Variants in RYR2 observed in about 807,000 individuals in gnomAD.
RYR2 encodes the protein cardiac muscle ryanodine receptor-calcium release channel.
In RYR2, 227 loss-of-function variants were observed where a neutral mutation model predicts 601.1. The observed-to-expected ratio is 0.38, with a 90% CI of 0.34 to 0.42. The LOEUF (loss-of-function observed/expected upper bound fraction) is 0.42, where lower values mean the gene tolerates loss of function less well. RYR2 is among the 10% of genes least tolerant of loss of function. RYR2 has a pLI of 1.00. For missense variants in RYR2, 4,646 were observed against 6,156.5 expected (o/e 0.75, Z 8.21); for synonymous variants, 2,223 against 2,175.1 (o/e 1.02, Z -0.61).
intron 11 of RYR2, among the ~76,000 whole-genome samples, chr1:237,422,698 C>T (rs1426643656): frequency 1.3e-5 from 2 of 152,120 alleles, no homozygotes; most frequent in Admixed American, 1.3e-4. Flanking sequence ...CAGTTTTTAA[C>T]TAGTAAATGC....
intron 1 of RYR2, among the ~76,000 whole-genome samples, chr1:237,068,591 A>G (rs72764026): frequency 3.7e-4 from 57 of 152,262 alleles, no homozygotes; most frequent in Non-Finnish European, 6.6e-4. Flanking sequence ...CCCATGTGTT[A>G]ATTTAGTCTC....
At chr1:237,396,189 C>A (rs765209906) in intron 10 of RYR2, among the ~76,000 whole-genome samples, 2 of 151,980 alleles carry the variant, frequency 1.3e-5, no homozygotes, top group African/African-American at 4.8e-5. Flanking sequence ...CAATTAGGGG[C>A]GGGGAAAGAA....
At chr1:237,440,388 A>T (rs1285128527) in intron 12 of RYR2, among the ~76,000 whole-genome samples, 1 of 152,234 alleles carries the variant, frequency 6.6e-6, no homozygotes. Context: ...AGAAAAAAGA[A>T]TAAGAGACTA....
intron 1 of RYR2, among the ~76,000 whole-genome samples, chr1:237,225,115 G>C (rs1684220641): frequency 6.6e-6 from 1 of 152,188 alleles, no homozygotes. Flanking sequence ...AGTGGCATCA[G>C]TGTTTTGAAG....
At chr1:237,405,833 G>A (rs115763213) in intron 10 of RYR2, among the ~76,000 whole-genome samples, 351 of 151,194 alleles carry the variant, frequency 2.3e-3, no homozygotes, top group African/African-American at 8.0e-3. Flanking sequence ...AATATCCAAA[G>A]TCTTTATCTT....
intron 1 of RYR2, among the ~76,000 whole-genome samples, chr1:237,261,130 C>G (rs1028269592): frequency 6.6e-6 from 1 of 152,156 alleles, no homozygotes; most frequent in Non-Finnish European, 1.5e-5. Flanking sequence ...CACTTATCAC[C>G]ATGCCTGCAA....
At chr1:237,423,685 G>A (rs1411981953) in intron 12 of RYR2, among the ~76,000 whole-genome samples, 1 of 152,144 alleles carries the variant, frequency 6.6e-6, no homozygotes, top group Non-Finnish European at 1.5e-5. Flanking sequence ...CAGATATTGG[G>A]ATGTTTTTGG....
At chr1:237,726,401 C>A (rs991911605) in intron 75 of RYR2, 93 bp downstream of exon 75, 1 of 800,252 alleles carries the variant, frequency 1.2e-6, no homozygotes, top group Non-Finnish European at 2.1e-6. Flanking sequence ...TCTCTTTCTT[C>A]TCTTAGAGTT....
intron 1 of RYR2, among the ~76,000 whole-genome samples, chr1:237,085,356 A>G (rs551557848): frequency 6.6e-6 from 1 of 152,332 alleles, no homozygotes; most frequent in East Asian, 1.9e-4. Flanking sequence ...TATTGGTTCT[A>G]CTATTGGAAA....
chr1:237,311,014 A>T (rs1165776824), intron 2 of RYR2, among the ~76,000 whole-genome samples: 2 of 152,210 alleles, frequency 1.3e-5, no homozygotes, highest in Non-Finnish European at 2.9e-5. Context: ...TTCCCGATGA[A>T]GTTACTAGAT....
chr1:237,361,530 T>G (rs1479307307), intron 4 of RYR2, among the ~76,000 whole-genome samples: 1 of 152,198 alleles, frequency 6.6e-6, no homozygotes, highest in African/African-American at 2.4e-5. Context: ...GAGGCTATTC[T>G]GAAATTGTTG....
intron 1 of RYR2, among the ~76,000 whole-genome samples, chr1:237,086,282 T>C (rs1666322569): frequency 6.6e-6 from 1 of 152,188 alleles, no homozygotes; most frequent in Non-Finnish European, 1.5e-5. Context: ...CCTCACGTGG[T>C]CTTTCCTCCA....
At chr1:237,467,466 CT>C (rs1204459333) in intron 16 of RYR2, among the ~76,000 whole-genome samples, 1 of 152,098 alleles carries the variant, frequency 6.6e-6, no homozygotes, top group Non-Finnish European at 1.5e-5. Flanking sequence ...TATTCCACCC[CT>C]ATCTTTTGTC....
chr1:237,377,354 C>T lies in RYR2; in HGVS notation c.495C>T (p.Ala165=). ...CTTGTTGGTGGACCATACACCCTGC[C>T]TCTAAGCAGCGATCAGAAGGAGAAA... The part of the protein sequence containing the change: ...GEACWWTIHP[A]SKQRSEGEKV... Residue 165 remains alanine, a synonymous_variant, in exon 8 of 105, where the codon GCC becomes GCT. Coordinates refer to ENST00000366574, the MANE Select transcript of RYR2 (RefSeq NM_001035.3). 1 of 1,613,160 alleles carries T rather than the reference C, an allele frequency of 6.2e-7. No homozygotes were observed. Among genetic ancestry groups the T allele is most frequent in the South Asian group, 1.1e-5 (1 of 90,956 alleles).
At chr1:237,403,463 G>A (rs902861710) in intron 10 of RYR2, among the ~76,000 whole-genome samples, 14 of 152,054 alleles carry the variant, frequency 9.2e-5, no homozygotes, top group South Asian at 4.2e-4. Context: ...GCCTTGCTCC[G>A]GCTAGAGTGC....
chr1:237,623,945 T>C, intron 39 of RYR2, 75 bp downstream of exon 39: 1 of 911,754 alleles, frequency 1.1e-6, no homozygotes, highest in South Asian at 1.4e-5. Context: ...AAATTAAGTG[T>C]ATATGCGAAT....
At chr1:237,458,041 C>G (rs546171110) in intron 16 of RYR2, among the ~76,000 whole-genome samples, 1 of 152,318 alleles carries the variant, frequency 6.6e-6, no homozygotes, top group African/African-American at 2.4e-5. Context: ...CCTGAACTTT[C>G]CATACACATC....
Position 237,542,058 on chromosome 1 carries a change from CTTTATTTATTTATTTA to C in RYR2, c.2907-6337_2907-6322del, listed in dbSNP as rs71180097. ...TTTCTATAAAGGTATACATTTTTGT[CTTTATTTATTTATTTA>C]TTTATTTATTTATTTATTTATTTAT... On this transcript the variant is annotated intron_variant, in intron 25 of 104. Coordinates refer to ENST00000366574, the MANE Select transcript of RYR2 (RefSeq NM_001035.3). 3.9e-3 allele frequency among the ~76,000 whole-genome samples: 578 copies of C among 148,400 alleles called. 2 individuals carry two copies. The highest frequency in any genetic ancestry group is 8.4e-3 in the African/African-American group (336 of 39,842).
At chr1:237,603,168 A>C (rs1217025502) in intron 35 of RYR2, among the ~76,000 whole-genome samples, 1 of 152,144 alleles carries the variant, frequency 6.6e-6, no homozygotes, top group African/African-American at 2.4e-5. Context: ...ACGTTCATGA[A>C]TGGATGAACG....
Sources: gnomAD v4.1 joint callset for allele counts (sites outside exome capture counted in the v4.1 genomes callset) on GRCh38, gnomAD v4.1.1 for gene constraint, MANE v1.5 for transcripts, NCBI Gene and HGNC (gene_info 2026-07-23, HGNC 2026-07-21) for gene names.